The following ZNF808 variants were observed in gnomAD, a reference collection of about 807,000 sequenced individuals.
ZNF808 encodes zinc finger protein 808.
Under a neutral mutation model 8.7 loss-of-function variants are expected in ZNF808, and 5 were observed. The ratio of observed to expected loss-of-function variants is 0.58; its 90% CI spans 0.30 to 1.21. ZNF808 has a LOEUF of 1.21. Ranked by LOEUF, ZNF808 falls within the 50% of genes most tolerant of loss-of-function variation. ZNF808 has a pLI of 0.07. For missense variants in ZNF808, 1,103 were observed against 1,098.4 expected (o/e 1.00, Z -0.06); for synonymous variants, 380 against 366.0 (o/e 1.04, Z -0.44).
intron 2 of ZNF808, among the ~76,000 whole-genome samples, chr19:52,535,102 T>G (rs143326653): frequency 2.0e-5 from 3 of 148,346 alleles, no homozygotes; most frequent in Admixed American, 1.3e-4. Context: ...GAGGCTGAGG[T>G]GGGCGGATCA....
chr19:52,529,832 T>TA (rs1388815001), intron 1 of ZNF808, among the ~76,000 whole-genome samples: 1 of 151,810 alleles, frequency 6.6e-6, no homozygotes, highest in Admixed American at 6.6e-5. Context: ...GTGATCCTCC[T>TA]ACCTCAGCCT....
At chr19:52,535,863 A>G (rs1472313899) in intron 2 of ZNF808, 1 of 151,922 alleles carries the variant, frequency 6.6e-6, no homozygotes, top group African/African-American at 2.4e-5. Flanking sequence ...GGAGGGATGC[A>G]CAGGTCCCGC....
Position 52,553,618 on chromosome 19 carries a change from T to C in ZNF808, c.702T>C (p.Asn234=), listed in dbSNP as rs747467310. ...VHMREKSFPC[N]ESGKAFNCSS... ...TGAGAGAAAAATCTTTCCCATGTAA[T>C]GAGAGTGGCAAAGCCTTTAATTGTA... Residue 234 remains asparagine, a synonymous_variant, in exon 5 of 5, where the codon AAT becomes AAC. Coordinates refer to ENST00000359798, the MANE Select transcript of ZNF808 (RefSeq NM_001039886.4). 1.2e-6 allele frequency: 2 copies of C among 1,614,208 alleles called. No homozygotes were observed. Among genetic ancestry groups the C allele is most frequent in the South Asian group, 2.2e-5 (2 of 91,088 alleles).
At position 52,553,281 on chromosome 19, in the gene ZNF808, G is replaced by T. The variant is rs2059796010; in HGVS notation, c.365G>T (p.Arg122Ile). 1 of 1,613,794 alleles carries T rather than the reference G, an allele frequency of 6.2e-7. No individual in the cohort carries two copies. Among genetic ancestry groups the T allele is most frequent in the Non-Finnish European group, 8.5e-7 (1 of 1,179,926 alleles). Residue 122 changes from arginine (R) to isoleucine (I), a missense_variant, in exon 5 of 5, where the codon AGA becomes ATA. By Grantham distance (97) the Arg-to-Ile change is moderately conservative. Transcript: ENST00000359798. Reference sequence around the variant, plus strand: ...GAGTTTCAGTGTCAAGAAGATGAAAGAAATGGCCATGAAGCACCCACGACA... The same window carrying T: ...GAGTTTCAGTGTCAAGAAGATGAAATAAATGGCCATGAAGCACCCACGACA... The part of the protein sequence containing the change: ...NIEFQCQEDE[R>I]NGHEAPTTKI...
rs2059832993 is a variant in ZNF808 at position 52,556,000 on chromosome 19, T to C, written c.*372T>C. The C allele has an allele frequency of 3.3e-6, 2 of 597,812 alleles. No homozygotes were observed. Among genetic ancestry groups the C allele is most frequent in the African/African-American group, 3.7e-5 (2 of 54,124 alleles). 37.0% of individuals were successfully genotyped at this position (597,812 alleles called of 1,614,324 possible). Reference sequence around the variant, plus strand: ...GGCAAGGTCTTCAGTCCGAGGTCACTCCTTGCAGAACATGAGAAAATTCAT... The same window carrying C: ...GGCAAGGTCTTCAGTCCGAGGTCACCCCTTGCAGAACATGAGAAAATTCAT... On this transcript the variant is annotated 3_prime_UTR_variant, in exon 5 of 5. Transcript: ENST00000359798.
At chr19:52,552,025 T>C (rs1203549715) in intron 4 of ZNF808, among the ~76,000 whole-genome samples, 1 of 151,454 alleles carries the variant, frequency 6.6e-6, no homozygotes, top group African/African-American at 2.4e-5. Flanking sequence ...AACAAATTTT[T>C]TTTTTTTTTT....
rs2059802891 is a variant in ZNF808 at position 52,553,795 on chromosome 19, A to G, written c.879A>G (p.Gly293=). 3 of 1,613,912 alleles carry G rather than the reference A, an allele frequency of 1.9e-6. No individual in the cohort carries two copies. Among genetic ancestry groups the G allele is most frequent in the East Asian group, 2.2e-5 (1 of 44,840 alleles). Residue 293 remains glycine (G), a synonymous_variant, in exon 5 of 5, where the codon GGA becomes GGG. Transcript: ENST00000359798. The part of the protein sequence containing the change: ...GEKPYKCKEC[G]KSFSYKSSLT... ...AACCTTACAAGTGTAAAGAGTGTGG[A>G]AAGTCCTTCAGTTACAAGTCATCCC...
intron 1 of ZNF808, among the ~76,000 whole-genome samples, chr19:52,529,235 A>G (rs1253939889): frequency 6.6e-6 from 1 of 151,740 alleles, no homozygotes; most frequent in Non-Finnish European, 1.5e-5. Context: ...AAAAGGAAAT[A>G]ACGGGGCATA....
At chr19:52,556,516 C>G (rs945845023), downstream of ZNF808, 1 of 152,024 alleles carries the variant, frequency 6.6e-6, no homozygotes, top group South Asian at 2.1e-4. Context: ...GTAGTAGAGA[C>G]GGGGTTTCTC....
chr19:52,530,506 T>TA (rs899816862), intron 1 of ZNF808, among the ~76,000 whole-genome samples: 2 of 151,462 alleles, frequency 1.3e-5, no homozygotes, highest in African/African-American at 4.9e-5. Flanking sequence ...TACTAAAAAA[T>TA]ACAAAAATTA....
At chr19:52,557,862 C>T (rs187471933), downstream of ZNF808, among the ~76,000 whole-genome samples, 105 of 152,150 alleles carry the variant, frequency 6.9e-4, 2 homozygotes, top group East Asian at 0.018. Context: ...ACTTCACACA[C>T]ACCTTCTCAC....
chr19:52,542,557 C>T (rs2059681763), intron 2 of ZNF808, among the ~76,000 whole-genome samples: 1 of 151,668 alleles, frequency 6.6e-6, no homozygotes, highest in Non-Finnish European at 1.5e-5. Context: ...CCATTTGACA[C>T]TGCAGCTGTG....
chr19:52,533,843 CAAAAAAAAAAAAAAA>C (rs919374020), intron 2 of ZNF808, among the ~76,000 whole-genome samples: 1 of 30,760 alleles, frequency 3.3e-5, no homozygotes, highest in Non-Finnish European at 5.4e-5. Flanking sequence ...ACTCCGTCTC[CAAAAAAAAAAAAAAA>C]AAAAAAAAAG....
At chr19:52,540,742 G>C (rs2059662382) in intron 2 of ZNF808, among the ~76,000 whole-genome samples, 1 of 152,144 alleles carries the variant, frequency 6.6e-6, no homozygotes, top group South Asian at 2.1e-4. Flanking sequence ...ATGTGTTCTT[G>C]AGAAAAGCAT....
chr19:52,532,207 A>G (rs2059567405), intron 1 of ZNF808, among the ~76,000 whole-genome samples: 1 of 152,066 alleles, frequency 6.6e-6, no homozygotes, highest in South Asian at 2.1e-4. Context: ...TATGACAGGT[A>G]TTCAGAAAAA....
At chr19:52,540,899 T>G (rs566663820) in intron 2 of ZNF808, among the ~76,000 whole-genome samples, 7 of 152,176 alleles carry the variant, frequency 4.6e-5, no homozygotes, top group Non-Finnish European at 1.0e-4. Flanking sequence ...CCTTACAACT[T>G]GAAAGAAGTT....
chr19:52,542,899 C>A lies in ZNF808; in HGVS notation c.-19-367C>A, dbSNP rs552446809. Among the ~76,000 whole-genome samples, 554 of 151,786 alleles carry A rather than the reference C, an allele frequency of 3.6e-3. 1 individual carries two copies. The highest frequency in any genetic ancestry group is 6.8e-3 in the Middle Eastern group (2 of 294). On this transcript the variant is annotated intron_variant, in intron 2 of 4. Coordinates refer to ENST00000359798, the MANE Select transcript of ZNF808 (RefSeq NM_001039886.4). ...TCTCGACTCACTGCAACCTCTGCCT[C>A]CTGGGTTCAAGTGATTCTCCTGCCT...
At chr19:52,529,402 A>G (rs1158503947) in intron 1 of ZNF808, among the ~76,000 whole-genome samples, 1 of 152,096 alleles carries the variant, frequency 6.6e-6, no homozygotes, top group Non-Finnish European at 1.5e-5. Flanking sequence ...ATGGGGCGAG[A>G]GACTGGGTTT....
At chr19:52,567,482 A>ATTT (rs751832324), downstream of ZNF808, among the ~76,000 whole-genome samples, 42 of 91,622 alleles carry the variant, frequency 4.6e-4, no homozygotes, top group East Asian at 9.3e-4. Context: ...GTCCAGCTGT[A>ATTT]TTTTTTATTA....
Sources: gnomAD v4.1 joint callset for allele counts (sites outside exome capture counted in the v4.1 genomes callset) on GRCh38, gnomAD v4.1.1 for gene constraint, MANE v1.5 for transcripts, NCBI Gene and HGNC (gene_info 2026-07-23, HGNC 2026-07-21) for gene names.